Variants in CDKAL1 observed in about 807,000 individuals in gnomAD.
The protein encoded by CDKAL1 is threonylcarbamoyladenosine tRNA methylthiotransferase.
CDKAL1 carries 32 observed loss-of-function variants against 68.2 expected under a neutral mutation model. That is an observed-to-expected ratio of 0.47 (90% CI 0.35 to 0.63). CDKAL1 has a LOEUF of 0.63. CDKAL1 is among the 30% of genes least tolerant of loss of function. The pLI, the probability that CDKAL1 is intolerant of heterozygous loss-of-function variation, is 0.00. For synonymous variants in CDKAL1, 234 were observed against 244.3 expected, an observed-to-expected ratio of 0.96 and a Z score of 0.39; for missense variants, 606 against 696.7, an observed-to-expected ratio of 0.87 and a Z score of 1.47.
intron 12 of CDKAL1, among the ~76,000 whole-genome samples, chr6:21,092,031 C>G (rs1273595679): frequency 6.7e-6 from 1 of 150,132 alleles, no homozygotes; most frequent in Non-Finnish European, 1.5e-5. Flanking sequence ...GGACTACAGG[C>G]GCCCGCCACT....
chr6:20,940,449 T>C (rs1455175542), intron 9 of CDKAL1, among the ~76,000 whole-genome samples: 1 of 152,224 alleles, frequency 6.6e-6, no homozygotes, highest in African/African-American at 2.4e-5. Context: ...ATTTAAAATG[T>C]TCTAGTAGCC....
intron 4 of CDKAL1, among the ~76,000 whole-genome samples, chr6:20,637,334 G>A (rs528401744): frequency 1.5e-3 from 228 of 152,108 alleles, no homozygotes; most frequent in African/African-American, 5.1e-3. Context: ...AGGCCGAGGC[G>A]GGAGGATCAC....
intron 11 of CDKAL1, among the ~76,000 whole-genome samples, chr6:21,008,113 A>G (rs554519889): frequency 6.6e-6 from 1 of 152,312 alleles, no homozygotes; most frequent in Non-Finnish European, 1.5e-5. Flanking sequence ...TTTAGGTAGG[A>G]AAGATGAGTT....
intron 5 of CDKAL1, among the ~76,000 whole-genome samples, chr6:20,672,749 G>T (rs1177956447): frequency 6.6e-6 from 1 of 152,058 alleles, no homozygotes; most frequent in South Asian, 2.1e-4. Context: ...ATGAAAAATT[G>T]ACTTGGTATT....
At chr6:20,733,086 C>G (rs1561727624) in intron 5 of CDKAL1, among the ~76,000 whole-genome samples, 1 of 152,160 alleles carries the variant, frequency 6.6e-6, no homozygotes, top group South Asian at 2.1e-4. Context: ...CTGACCTTCT[C>G]CCTCAGGGAC....
intron 15 of CDKAL1, among the ~76,000 whole-genome samples, chr6:21,215,889 T>C (rs1213169521): frequency 6.6e-6 from 1 of 152,090 alleles, no homozygotes. Context: ...GGGTTGCATA[T>C]GGAATTAAAT....
At chr6:20,809,992 A>G (rs1420470665) in intron 8 of CDKAL1, among the ~76,000 whole-genome samples, 1 of 152,234 alleles carries the variant, frequency 6.6e-6, no homozygotes. Flanking sequence ...ATAGATGAAG[A>G]CATTTCTAAG....
chr6:20,733,504 A>C (rs1374737185), intron 5 of CDKAL1, among the ~76,000 whole-genome samples: 1 of 152,224 alleles, frequency 6.6e-6, no homozygotes, highest in African/African-American at 2.4e-5. Context: ...TTTAGTGTAA[A>C]ACAAAGGTGC....
chr6:21,032,118 A>G lies in CDKAL1; in HGVS notation c.1055+31746A>G, dbSNP rs547657652. On this transcript the variant is annotated intron_variant, in intron 11 of 15. Transcript: ENST00000274695. Reference sequence around the variant, plus strand: ...ACCCATGGATCTTTGGCTCACTCCAACCAGATTCCTGACTCACCCCCTCCT... The same window carrying G: ...ACCCATGGATCTTTGGCTCACTCCAGCCAGATTCCTGACTCACCCCCTCCT... Among the ~76,000 whole-genome samples, 42 of 152,106 alleles carry G rather than the reference A, an allele frequency of 2.8e-4. No homozygotes were observed. In the South Asian group the frequency reaches 8.5e-3, roughly 31 times the overall value.
rs949563416 is a variant in CDKAL1, at chr6:21,006,388, G to A, written c.1055+6016G>A. Among the ~76,000 whole-genome samples, 9 of 152,232 alleles carry A rather than the reference G, an allele frequency of 5.9e-5. No individual in the cohort carries two copies. The South Asian group carries it at 8.3e-4, about 14-fold the overall frequency. ...TCCCAGATGTGTTTCTGTTCACTAA[G>A]TAACCACCTCCAAAATACTTTAGGC... is the stretch of plus-strand genomic sequence containing the variant. On this transcript the variant is annotated intron_variant, in intron 11 of 15. Coordinates refer to ENST00000274695, the MANE Select transcript of CDKAL1 (RefSeq NM_017774.3).
At chr6:21,003,637 C>T (rs183326932) in intron 11 of CDKAL1, among the ~76,000 whole-genome samples, 9 of 151,794 alleles carry the variant, frequency 5.9e-5, no homozygotes, top group African/African-American at 1.4e-4. Flanking sequence ...ACCTACCTTC[C>T]GCTATAAAAA....
At chr6:20,854,820 C>G (rs1402004101) in intron 9 of CDKAL1, among the ~76,000 whole-genome samples, 1 of 152,158 alleles carries the variant, frequency 6.6e-6, no homozygotes, top group African/African-American at 2.4e-5. Flanking sequence ...AGTTTACAAA[C>G]ATGCAGTTAA....
intron 5 of CDKAL1, among the ~76,000 whole-genome samples, chr6:20,725,115 G>A (rs1279333459): frequency 1.3e-5 from 2 of 152,110 alleles, no homozygotes; most frequent in Non-Finnish European, 2.9e-5. Flanking sequence ...ATATATTCTG[G>A]AGTTTCCTCC....
chr6:20,701,361 G>T (rs900168006), intron 5 of CDKAL1, among the ~76,000 whole-genome samples: 1 of 151,644 alleles, frequency 6.6e-6, no homozygotes, highest in Non-Finnish European at 1.5e-5. Context: ...CCGATGAATG[G>T]CAGTGCTGGG....
intron 11 of CDKAL1, among the ~76,000 whole-genome samples, chr6:21,064,387 G>C (rs530284186): frequency 6.6e-6 from 1 of 152,290 alleles, no homozygotes; most frequent in Non-Finnish European, 1.5e-5. Flanking sequence ...CACCTGAAAG[G>C]AGTGGCATTT....
At chr6:21,189,660 A>G (rs372324959) in intron 13 of CDKAL1, among the ~76,000 whole-genome samples, 19 of 152,310 alleles carry the variant, frequency 1.2e-4, no homozygotes, top group African/African-American at 4.6e-4. Flanking sequence ...CTTGTTTTCT[A>G]TGCTATCATC....
chr6:20,707,839 T>C (rs992398900), intron 5 of CDKAL1, among the ~76,000 whole-genome samples: 5 of 152,240 alleles, frequency 3.3e-5, no homozygotes, highest in African/African-American at 1.2e-4. Flanking sequence ...TAAAGCTTCC[T>C]GCCAAAATCT....
At chr6:20,926,184 G>C (rs991256502) in intron 9 of CDKAL1, among the ~76,000 whole-genome samples, 10 of 152,026 alleles carry the variant, frequency 6.6e-5, no homozygotes, top group African/African-American at 2.4e-4. Flanking sequence ...GCTGCAGAAG[G>C]GTTGGTAAAA....
intron 4 of CDKAL1, among the ~76,000 whole-genome samples, chr6:20,564,923 C>T (rs183737502): frequency 1.3e-4 from 20 of 152,178 alleles, no homozygotes; most frequent in Admixed American, 3.9e-4. Context: ...CCAGGTCCTG[C>T]GAAGAGCTTC....
Sources: allele counts gnomAD v4.1 joint callset (sites outside exome capture counted in the v4.1 genomes callset), GRCh38; gene constraint gnomAD v4.1.1; transcripts MANE v1.5; gene names NCBI Gene and HGNC (gene_info 2026-07-23, HGNC 2026-07-21).